HSD17B12: variants seen among roughly 807,000 people sequenced by gnomAD.
HSD17B12 encodes very-long-chain 3-oxoacyl-CoA reductase.
HSD17B12 carries 32 observed loss-of-function variants against 39.3 expected under a neutral mutation model. The ratio of observed to expected loss-of-function variants is 0.81; its 90% confidence interval spans 0.61 to 1.09. The LOEUF (loss-of-function observed/expected upper bound fraction) is 1.09. Among genes scored for constraint, HSD17B12 ranks in the 50% least tolerant of loss-of-function variants. The pLI is 0.00. For synonymous variants in HSD17B12, 150 were observed against 146.7 expected, an observed-to-expected ratio of 1.02 and a Z score of -0.16; for missense variants, 342 against 382.9, an observed-to-expected ratio of 0.89 and a Z score of 0.89.
At chr11:43,835,950 G>GTA (rs1347112696) in intron 7 of HSD17B12, among the ~76,000 whole-genome samples, 1 of 152,116 alleles carries the variant, frequency 6.6e-6, no homozygotes, top group Non-Finnish European at 1.5e-5. Context: ...GACTTTTCCT[G>GTA]TACTTAGATC....
the HSD17B12 span, among the ~76,000 whole-genome samples, chr11:43,663,000 A>ATCTAAC: frequency 6.6e-6 from 1 of 152,230 alleles, no homozygotes; most frequent in Non-Finnish European, 1.5e-5. Flanking sequence ...AACAGCAAGG[A>ATCTAAC]AGTATCTAAA....
At chr11:43,617,142 T>G in the HSD17B12 span, among the ~76,000 whole-genome samples, 1 of 152,174 alleles carries the variant, frequency 6.6e-6, no homozygotes, top group African/African-American at 2.4e-5. Flanking sequence ...CTTCTATTCA[T>G]CAGCTTCAGT....
the HSD17B12 span, among the ~76,000 whole-genome samples, chr11:43,639,509 G>A: frequency 1.1e-4 from 17 of 152,112 alleles, no homozygotes; most frequent in South Asian, 3.1e-3. Context: ...CAAAATGAGA[G>A]GGAGCACTCA....
intron 4 of HSD17B12, among the ~76,000 whole-genome samples, chr11:43,811,165 G>A (rs1041037594): frequency 6.6e-6 from 1 of 152,088 alleles, no homozygotes; most frequent in African/African-American, 2.4e-5. Flanking sequence ...GCCACCTGAC[G>A]TCTCAAAATA....
chr11:43,705,253 T>C (rs1250850440), intron 1 of HSD17B12, among the ~76,000 whole-genome samples: 2 of 152,226 alleles, frequency 1.3e-5, no homozygotes, highest in Non-Finnish European at 1.5e-5. Context: ...GGTAGTTAAA[T>C]TATTTTAGTG....
intron 3 of HSD17B12, among the ~76,000 whole-genome samples, chr11:43,762,179 A>G (rs992725752): frequency 1.4e-4 from 10 of 69,428 alleles, no homozygotes; most frequent in African/African-American, 3.4e-4. Flanking sequence ...AATTAAGAAG[A>G]AAAAAAAGAC....
intron 5 of HSD17B12, among the ~76,000 whole-genome samples, chr11:43,816,004 A>G (rs1021997389): frequency 2.0e-5 from 3 of 152,344 alleles, no homozygotes; most frequent in Admixed American, 1.3e-4. Flanking sequence ...TTTAAAAATT[A>G]TTGAAAATCC....
At chr11:43,771,416 A>ATACATTCAT (rs1257487815) in intron 3 of HSD17B12, among the ~76,000 whole-genome samples, 1 of 149,230 alleles carries the variant, frequency 6.7e-6, no homozygotes, top group Non-Finnish European at 1.5e-5. Context: ...TATACATTAT[A>ATACATTCAT]TACATTCATT....
the HSD17B12 span, among the ~76,000 whole-genome samples, chr11:43,605,469 G>A: frequency 6.6e-6 from 1 of 151,356 alleles, no homozygotes; most frequent in African/African-American, 2.4e-5. Context: ...GCTGAGGCAG[G>A]AGAATCGCTT....
Position 43,697,558 on chromosome 11 carries a change from A to T in HSD17B12, c.160+16571A>T, listed in dbSNP as rs149810522. 6.2e-3 allele frequency among the ~76,000 whole-genome samples: 948 copies of T among 152,346 alleles called. 16 individuals carry two copies. The highest frequency in any genetic ancestry group is 0.021 in the African/African-American group (889 of 41,582). On this transcript the variant is annotated intron_variant, in intron 1 of 10. Transcript: ENST00000278353. ...GAGGTCAAGCAGTTTACCCAAAGTC[A>T]CATAGTAAGTGGAGGAGCACCTGGG...
At chr11:43,678,495 T>G (rs564457777), upstream of HSD17B12, among the ~76,000 whole-genome samples, 6 of 152,372 alleles carry the variant, frequency 3.9e-5, no homozygotes, top group South Asian at 1.2e-3. Context: ...GCTTTAGACA[T>G]GAAGTCCTTG....
At chr11:43,633,817 G>C in the HSD17B12 span, among the ~76,000 whole-genome samples, 7 of 151,928 alleles carry the variant, frequency 4.6e-5, no homozygotes, top group African/African-American at 1.5e-4. Context: ...GCTCACACTT[G>C]TAATCCCAGC....
the HSD17B12 span, among the ~76,000 whole-genome samples, chr11:43,653,056 G>A: frequency 6.6e-6 from 1 of 152,024 alleles, no homozygotes. Context: ...AGAAAAGTAG[G>A]GGGAGATTAG....
chr11:43,631,976 G>C, the HSD17B12 span, among the ~76,000 whole-genome samples: 1 of 152,060 alleles, frequency 6.6e-6, no homozygotes, highest in Non-Finnish European at 1.5e-5. Context: ...GGGGGCAGCT[G>C]GTCGGTTACT....
chr11:43,710,971 T>G (rs1272794464), intron 1 of HSD17B12, among the ~76,000 whole-genome samples: 1 of 152,148 alleles, frequency 6.6e-6, no homozygotes, highest in Non-Finnish European at 1.5e-5. Flanking sequence ...TTTTGTATTT[T>G]TAGTAGAGAT....
At chr11:43,821,643 A>G (rs1274411374) in intron 6 of HSD17B12, among the ~76,000 whole-genome samples, 1 of 152,134 alleles carries the variant, frequency 6.6e-6, no homozygotes, top group African/African-American at 2.4e-5. Context: ...AAATTATTGA[A>G]CTGCTATTGA....
At chr11:43,687,158 A>T (rs1486618850) in intron 1 of HSD17B12, among the ~76,000 whole-genome samples, 1 of 152,206 alleles carries the variant, frequency 6.6e-6, no homozygotes, top group Non-Finnish European at 1.5e-5. Context: ...AAAACAGTGC[A>T]TCCTTTATTT....
intron 9 of HSD17B12, among the ~76,000 whole-genome samples, chr11:43,845,490 G>T (rs949660522): frequency 1.3e-5 from 2 of 151,832 alleles, no homozygotes; most frequent in African/African-American, 4.8e-5. Flanking sequence ...CTTTAACCTG[G>T]GATATATCTA....
intron 6 of HSD17B12, among the ~76,000 whole-genome samples, chr11:43,828,491 TGGAAACAGTCCCAATGG>T (rs1000973041): frequency 8.8e-4 from 133 of 151,844 alleles, no homozygotes; most frequent in African/African-American, 3.2e-3. Flanking sequence ...TATACACTTT[TGGAAACAGTCCCAATGG>T]GGAAGAAAAT....
Sources: gnomAD v4.1 joint callset for allele counts (sites outside exome capture counted in the v4.1 genomes callset) on GRCh38, gnomAD v4.1.1 for gene constraint, MANE v1.5 for transcripts, NCBI Gene and HGNC (gene_info 2026-07-23, HGNC 2026-07-21) for gene names.